Variants in HSPH1 observed in about 807,000 individuals in gnomAD.
HSPH1 encodes heat shock protein family H (Hsp110) member 1, also known as heat shock protein 105 kDa.
HSPH1 carries 40 observed loss-of-function variants against 100.0 expected under a neutral mutation model. The observed-to-expected ratio is 0.40, with a 90% CI of 0.31 to 0.52. The LOEUF is 0.52. Among genes scored for constraint, HSPH1 ranks in the 20% least tolerant of loss-of-function variants. HSPH1 has a pLI of 0.54. For missense variants in HSPH1, 876 were observed against 1,015.1 expected (o/e 0.86, Z 1.86); for synonymous variants, 403 against 344.0 (o/e 1.17, Z -1.90).
At chr13:31,157,963 CAT>C (rs1166700924) in intron 2 of HSPH1, among the ~76,000 whole-genome samples, 7 of 152,152 alleles carry the variant, frequency 4.6e-5, no homozygotes, top group African/African-American at 1.2e-4. Context: ...TAAAAAATCT[CAT>C]GTGTATTTTA....
intron 1 of HSPH1, 73 bp downstream of exon 1, chr13:31,161,403 A>T: frequency 6.4e-7 from 1 of 1,572,460 alleles, no homozygotes; most frequent in South Asian, 1.1e-5. Context: ...CCGTACAGCC[A>T]GCCCGCGATC....
chr13:31,156,490 G>A (rs1351488325), intron 2 of HSPH1, among the ~76,000 whole-genome samples: 1 of 152,096 alleles, frequency 6.6e-6, no homozygotes, highest in Admixed American at 6.5e-5. Context: ...CTGGAACCTG[G>A]GAGGCAGAAG....
chr13:31,162,311 C>A, upstream of HSPH1: 1 of 591,974 alleles, frequency 1.7e-6, no homozygotes, highest in Non-Finnish European at 3.0e-6. Flanking sequence ...GCAGAGACCC[C>A]AGACACCGGG....
chr13:31,149,899 C>T, intron 8 of HSPH1, 55 bp downstream of exon 8: 1 of 1,352,156 alleles, frequency 7.4e-7, no homozygotes, highest in Non-Finnish European at 1.1e-6. Flanking sequence ...TGACGACATC[C>T]AGTGGAAACT....
At position 31,159,364 on chromosome 13, in the gene HSPH1, G is replaced by A. The variant is rs141437214; in HGVS notation, c.108-501C>T. ...CCAAGTTACACCTCTGAAGTTTAAA[G>A]AGCACAAAGAGGTTCCCATCTGGGA... is the stretch of plus-strand genomic sequence containing the variant. On this transcript the variant is annotated intron_variant, in intron 1 of 17. Coordinates refer to ENST00000320027, the MANE Select transcript of HSPH1 (RefSeq NM_006644.4). 3.7e-4 allele frequency among the ~76,000 whole-genome samples: 57 copies of A among 152,276 alleles called. 2 individuals are homozygous for A. The East Asian group carries it at 0.01, about 27-fold the overall frequency.
chr13:31,151,186 C>G lies in HSPH1; in HGVS notation c.669G>C (p.Leu223=), dbSNP rs763929199. 2 of 1,603,520 alleles carry G rather than the reference C, an allele frequency of 1.2e-6. No individual in the cohort carries two copies. Among genetic ancestry groups the G allele is most frequent in the South Asian group, 2.2e-5 (2 of 89,658 alleles). Residue 223 remains leucine, a synonymous_variant, in exon 7 of 18, where the codon CTG becomes CTC. Transcript: ENST00000320027. Reference sequence around the variant, plus strand: ...CTAAGAAAGGATCAAAAGCTGTTCCCAGTACCTAATTTGGTTGAAACAACA... The same window carrying G: ...CTAAGAAAGGATCAAAAGCTGTTCCGAGTACCTAATTTGGTTGAAACAACA... ...CAFNKGKLKV[L]GTAFDPFLGG...
At chr13:31,139,252 T>C in intron 14 of HSPH1, 145 bp from the exon 15 acceptor site, 1 of 600,954 alleles carries the variant, frequency 1.7e-6, no homozygotes, top group South Asian at 2.2e-5. Flanking sequence ...CACAGAGACC[T>C]TGAAAATGGC....
chr13:31,151,939 A>ATG (rs1956503013), intron 5 of HSPH1, 197 bp from the exon 6 acceptor site: 1 of 548,560 alleles, frequency 1.8e-6, no homozygotes, highest in Admixed American at 3.4e-5. Context: ...TTTCAGAACA[A>ATG]TGCTCTATCA....
chr13:31,141,310 A>G, intron 12 of HSPH1, 51 bp from the exon 13 acceptor site: 1 of 1,480,020 alleles, frequency 6.8e-7, no homozygotes, highest in South Asian at 1.3e-5. Context: ...CCCACTTGGA[A>G]AAACACAAAA....
Position 31,138,880 on chromosome 13 carries a change from T to A in HSPH1, c.2109A>T (p.Lys703Asn), listed in dbSNP as rs1209314560. Reference protein sequence around the residue: ...EELMKIGTPVKVRFQEAEERP... With the variant: ...EELMKIGTPVNVRFQEAEERP... Reference sequence around the variant, plus strand: ...GTTCTTCAGCTTCCTGAAACCGAACTTTAACTGGAGTGCCAATTTTCTAAA... The same window carrying A: ...GTTCTTCAGCTTCCTGAAACCGAACATTAACTGGAGTGCCAATTTTCTAAA... The change falls in exon 16 of 18, where the codon AAA becomes AAT. Residue 703 changes from lysine to asparagine, a missense_variant. By Grantham distance (94) the Lys-to-Asn change is moderately conservative. Transcript: ENST00000320027. 6.2e-7 allele frequency: 1 copy of A among 1,607,920 alleles called. No individual in the cohort carries two copies.
chr13:31,154,528 G>C, intron 4 of HSPH1, 105 bp downstream of exon 4: 2 of 1,272,342 alleles, frequency 1.6e-6, no homozygotes, highest in Non-Finnish European at 2.3e-6. Flanking sequence ...AGTAGAACAC[G>C]GTCTCTAGTA....
In HSPH1 at chr13:31,161,826, C is replaced by G. The variant is rs1357563721; in HGVS notation, c.-244G>C. 13 of 1,477,084 alleles carry G rather than the reference C, an allele frequency of 8.8e-6. No homozygotes were observed. The highest frequency in any genetic ancestry group is 1.2e-5 in the Non-Finnish European group (13 of 1,115,182). The allele number at this position is 1,477,084 out of a possible 1,614,324, so 91.5% of individuals were successfully genotyped here. A position where few individuals can be genotyped will look rare whatever the true frequency, so the allele number is the denominator to read the frequency against. On this transcript the variant is annotated 5_prime_UTR_variant, in exon 1 of 18. Coordinates refer to ENST00000320027, the MANE Select transcript of HSPH1 (RefSeq NM_006644.4). The stretch of plus-strand genomic sequence containing the variant: ...GGGAGAAAGCGGGGCTCAGCCTCCG[C>G]AGGTCGCTCCGCACCTCGGGTTGCC...
chr13:31,138,618 T>A (rs907199124), intron 16 of HSPH1, 50 bp from the exon 17 acceptor site: 1 of 1,553,524 alleles, frequency 6.4e-7, no homozygotes, highest in Non-Finnish European at 8.7e-7. Flanking sequence ...AACAATAGTA[T>A]CTCATTTGAC....
chr13:31,154,696 C>A lies in HSPH1; in HGVS notation c.366G>T (p.Leu122Phe). The change falls in exon 4 of 18, where the codon TTG (leucine) becomes TTT (phenylalanine). Residue 122 changes from leucine to phenylalanine, a missense_variant. Coordinates refer to ENST00000320027, the MANE Select transcript of HSPH1 (RefSeq NM_006644.4). ...TTTCAGCAGTTTCCTTCAGCTTAGTCAACAACATGGCTGTTATCTGCTCCA... is the reference window on the plus strand; with the variant it reads ...TTTCAGCAGTTTCCTTCAGCTTAGTAAACAACATGGCTGTTATCTGCTCCA... ...FSVEQITAML[L>F]TKLKETAENS... is the part of the protein sequence containing the mutation. 1 of 1,613,824 alleles carries A rather than the reference C, an allele frequency of 6.2e-7. No homozygotes were observed. The highest frequency in any genetic ancestry group is 8.5e-7 in the Non-Finnish European group (1 of 1,179,748).
intron 11 of HSPH1, among the ~76,000 whole-genome samples, 193 bp from the exon 12 acceptor site, chr13:31,144,116 T>G (rs1220612549): frequency 6.6e-6 from 1 of 152,112 alleles, no homozygotes; most frequent in Non-Finnish European, 1.5e-5. Context: ...TGTAAAAAAA[T>G]TCTTTGAATG....
intron 7 of HSPH1, 92 bp downstream of exon 7, chr13:31,150,855 G>T: frequency 7.8e-7 from 1 of 1,282,528 alleles, no homozygotes. Flanking sequence ...CTGAAATGTA[G>T]GCCAAGACTC....
chr13:31,147,420 C>T (rs1956303128), intron 10 of HSPH1, among the ~76,000 whole-genome samples: 1 of 145,978 alleles, frequency 6.9e-6, no homozygotes, highest in African/African-American at 2.4e-5. Context: ...CAAATTTCAC[C>T]TATGGTCTGG....
chr13:31,154,708 T>C lies in HSPH1; in HGVS notation c.354A>G (p.Thr118=), dbSNP rs147109983. The part of the protein sequence containing the change: ...EEHLFSVEQI[T]AMLLTKLKET... ...CCTTCAGCTTAGTCAACAACATGGC[T>C]GTTATCTGCTCCACACTAAATAGAT... The change falls in exon 4 of 18, where the codon ACA becomes ACG. Residue 118 remains threonine (T), a synonymous_variant. Coordinates refer to ENST00000320027, the MANE Select transcript of HSPH1 (RefSeq NM_006644.4). The C allele has an allele frequency of 1.2e-6, 2 of 1,613,640 alleles. No individual in the cohort carries two copies. The highest frequency in any genetic ancestry group is 2.7e-5 in the African/African-American group (2 of 74,934).
intron 2 of HSPH1, among the ~76,000 whole-genome samples, chr13:31,158,542 C>CT: frequency 1.0e-5 from 1 of 96,408 alleles, no homozygotes; most frequent in South Asian, 4.1e-4. Flanking sequence ...GAGCGAGACT[C>CT]TATCTCAAAA....
Sources: allele counts gnomAD v4.1 joint callset (sites outside exome capture counted in the v4.1 genomes callset), GRCh38; gene constraint gnomAD v4.1.1; transcripts MANE v1.5; gene names NCBI Gene and HGNC (gene_info 2026-07-23, HGNC 2026-07-21).